The following CEMIP variants were observed in gnomAD, a reference collection of about 807,000 sequenced individuals.
CEMIP encodes cell migration inducing hyaluronidase 1, also known as cell migration-inducing and hyaluronan-binding protein.
In CEMIP, 105 loss-of-function variants were observed where a neutral mutation model predicts 156.9. That is an observed-to-expected ratio of 0.67 (90% CI 0.57 to 0.79). CEMIP has a LOEUF of 0.79. Among genes scored for constraint, CEMIP ranks in the 30% least tolerant of loss-of-function variants. The probability of loss-of-function intolerance (pLI) is 0.00; values close to 1 mark genes in which losing one functional copy is unlikely to be tolerated. For missense variants in CEMIP, 1,457 were observed against 1,769.4 expected (o/e 0.82, Z 3.17); for synonymous variants, 676 against 668.4 (o/e 1.01, Z -0.17).
At chr15:80,939,670 C>G (rs1038440470) in intron 25 of CEMIP, among the ~76,000 whole-genome samples, 4 of 152,164 alleles carry the variant, frequency 2.6e-5, no homozygotes, top group Non-Finnish European at 5.9e-5. Flanking sequence ...CATAGCTTAG[C>G]CCTATGCCTG....
chr15:80,933,006 C>T (rs1900981049), intron 22 of CEMIP, among the ~76,000 whole-genome samples: 1 of 152,214 alleles, frequency 6.6e-6, no homozygotes, highest in Non-Finnish European at 1.5e-5. Flanking sequence ...GCCAACCCTC[C>T]AGTGAGCAGA....
At chr15:80,875,100 C>A (rs991446555) in intron 3 of CEMIP, among the ~76,000 whole-genome samples, 1 of 122,726 alleles carries the variant, frequency 8.1e-6, no homozygotes, top group Admixed American at 1.1e-4. Context: ...GTGATATGAT[C>A]GTGGTTCACT....
rs748690421 is a variant in CEMIP, at chr15:80,942,043, G to T, written c.3602G>T (p.Gly1201Val). The change falls in exon 26 of 30, where the codon GGT becomes GTT. Residue 1201 changes from glycine (G) to valine (V), a missense_variant. Gly to Val is a moderately radical substitution (Grantham distance 109). This residue lies in a region of CEMIP where 798 missense variants were observed against 980.1 expected (regional missense o/e 0.81). Coordinates refer to ENST00000394685, the MANE Select transcript of CEMIP (RefSeq NM_001293298.2). ...GTGCCGATGCCCAAGAAGCTCTTTG[G>T]TTCTCAGCTGGTGAGTGGCTGAGAG... ...VDVPMPKKLF[G>V]SQLKTKDHFL... 6.2e-7 allele frequency: 1 copy of T among 1,613,090 alleles called. No homozygotes were observed. Among genetic ancestry groups the T allele is most frequent in the East Asian group, 2.2e-5 (1 of 44,828 alleles).
At chr15:80,867,306 G>C (rs1898156417) in intron 1 of CEMIP, among the ~76,000 whole-genome samples, 1 of 152,210 alleles carries the variant, frequency 6.6e-6, no homozygotes, top group African/African-American at 2.4e-5. Flanking sequence ...AGCTCCTACT[G>C]TCTGTGAGCC....
intron 1 of CEMIP, among the ~76,000 whole-genome samples, chr15:80,828,125 T>C (rs569045831): frequency 5.9e-5 from 9 of 152,332 alleles, no homozygotes; most frequent in African/African-American, 2.2e-4. Context: ...ACGCCTATAA[T>C]CCTAGCACTT....
chr15:80,894,120 GGGCTGAATGCTGGGGACAA>G (rs1899128857), intron 10 of CEMIP, among the ~76,000 whole-genome samples: 1 of 152,124 alleles, frequency 6.6e-6, no homozygotes. Context: ...GCCAGGCCCT[GGGCTGAATGCTGGGGACAA>G]GGGGGCAAAA....
At chr15:80,935,538 C>A (rs1391152278) in intron 23 of CEMIP, among the ~76,000 whole-genome samples, 1 of 152,190 alleles carries the variant, frequency 6.6e-6, no homozygotes, top group African/African-American at 2.4e-5. Flanking sequence ...ATACTCAGGG[C>A]AACTTCCTAA....
chr15:80,783,888 A>G (rs1363806877), intron 1 of CEMIP, among the ~76,000 whole-genome samples: 2 of 152,140 alleles, frequency 1.3e-5, no homozygotes, highest in Non-Finnish European at 2.9e-5. Context: ...GTGTTAGGAA[A>G]CACACATGGC....
intron 28 of CEMIP, chr15:80,946,621 G>A (rs941141912): frequency 1.7e-5 from 5 of 296,446 alleles, no homozygotes; most frequent in South Asian, 7.8e-5. Flanking sequence ...GATACATATC[G>A]AAGTCCTACT....
At chr15:80,882,130 G>A (rs1394203041) in intron 6 of CEMIP, among the ~76,000 whole-genome samples, 1 of 152,188 alleles carries the variant, frequency 6.6e-6, no homozygotes, top group Non-Finnish European at 1.5e-5. Context: ...GGCAGCAGGA[G>A]CCAGCTACGG....
At chr15:80,879,660 A>G in intron 4 of CEMIP, 56 bp from the exon 5 acceptor site, 1 of 1,611,450 alleles carries the variant, frequency 6.2e-7, no homozygotes, top group Non-Finnish European at 8.5e-7. Context: ...TGGCTCTGAT[A>G]TAACCTTACC....
intron 1 of CEMIP, among the ~76,000 whole-genome samples, chr15:80,840,623 G>A (rs533661167): frequency 7.2e-5 from 11 of 152,292 alleles, no homozygotes; most frequent in Non-Finnish European, 1.0e-4. Context: ...GGGGGAAACT[G>A]CAGGGGCCAC....
At chr15:80,838,799 C>G (rs552938946) in intron 1 of CEMIP, among the ~76,000 whole-genome samples, 1 of 152,186 alleles carries the variant, frequency 6.6e-6, no homozygotes, top group Non-Finnish European at 1.5e-5. Flanking sequence ...ATTTTGCAGA[C>G]GAGCACACTG....
chr15:80,813,023 T>C (rs373057972), intron 1 of CEMIP, among the ~76,000 whole-genome samples: 426 of 152,376 alleles, frequency 2.8e-3, no homozygotes, highest in Middle Eastern at 0.014. Flanking sequence ...TTTTACATCA[T>C]TGCCATGTTT....
At chr15:80,870,697 G>C (rs763730847) in intron 1 of CEMIP, among the ~76,000 whole-genome samples, 1 of 152,234 alleles carries the variant, frequency 6.6e-6, no homozygotes, top group Non-Finnish European at 1.5e-5. Context: ...TTGACCCTGT[G>C]AGGTCCAGCA....
At chr15:80,879,285 T>C (rs1486650303) in intron 4 of CEMIP, among the ~76,000 whole-genome samples, 1 of 152,206 alleles carries the variant, frequency 6.6e-6, no homozygotes, top group Non-Finnish European at 1.5e-5. Flanking sequence ...AGGTTGAAAA[T>C]ATTCCAAATA....
intron 1 of CEMIP, among the ~76,000 whole-genome samples, chr15:80,861,176 C>T (rs1267065497): frequency 6.6e-6 from 1 of 152,008 alleles, no homozygotes; most frequent in Non-Finnish European, 1.5e-5. Context: ...GTGCAGTAGG[C>T]ACTAATAATA....
chr15:80,796,449 G>C (rs1596094489), intron 1 of CEMIP, among the ~76,000 whole-genome samples: 1 of 152,198 alleles, frequency 6.6e-6, no homozygotes, highest in East Asian at 1.9e-4. Flanking sequence ...TGAAACCCAA[G>C]ATGTATTCGA....
intron 1 of CEMIP, among the ~76,000 whole-genome samples, chr15:80,869,665 G>T (rs1465505681): frequency 6.6e-6 from 1 of 152,166 alleles, no homozygotes; most frequent in East Asian, 1.9e-4. Flanking sequence ...CCTCTTGCCA[G>T]TAAGATACTC....
Sources: gnomAD v4.1 joint callset for allele counts (sites outside exome capture counted in the v4.1 genomes callset) on GRCh38, gnomAD v4.1.1 for gene constraint, gnomAD v4.1.1 regional missense constraint, MANE v1.5 for transcripts, NCBI Gene and HGNC (gene_info 2026-07-23, HGNC 2026-07-21) for gene names.